Variants in TAFA1 observed in about 807,000 individuals in gnomAD.
TAFA1 encodes the protein chemokine-like protein TAFA-1.
Under a neutral mutation model 18.5 loss-of-function variants are expected in TAFA1, and 4 were observed. The observed-to-expected ratio is 0.22, with a 90% CI of 0.11 to 0.49. TAFA1 has a LOEUF of 0.49. TAFA1 is among the 20% of genes least tolerant of loss of function. TAFA1 has a pLI of 0.98. For synonymous variants in TAFA1, 56 were observed against 55.2 expected (o/e 1.01, Z -0.06); for missense variants, 147 against 169.0 (o/e 0.87, Z 0.72).
chr3:68,438,457 C>T (rs1193610802), intron 3 of TAFA1, among the ~76,000 whole-genome samples: 1 of 152,146 alleles, frequency 6.6e-6, no homozygotes, highest in Non-Finnish European at 1.5e-5. Context: ...TTGGGCAGTC[C>T]AACCCCTGTG....
intron 2 of TAFA1, among the ~76,000 whole-genome samples, chr3:68,369,764 A>G (rs1469819601): frequency 6.6e-6 from 1 of 152,162 alleles, no homozygotes; most frequent in African/African-American, 2.4e-5. Context: ...CTTCTTGTTA[A>G]ACAAGATCTC....
intron 2 of TAFA1, among the ~76,000 whole-genome samples, chr3:68,061,214 A>T (rs544197405): frequency 6.6e-6 from 1 of 152,358 alleles, no homozygotes; most frequent in East Asian, 1.9e-4. Context: ...GGTATATATC[A>T]GCTAGAAGAC....
intron 2 of TAFA1, among the ~76,000 whole-genome samples, chr3:68,303,907 C>A (rs2068358489): frequency 6.6e-6 from 1 of 152,114 alleles, no homozygotes; most frequent in African/African-American, 2.4e-5. Flanking sequence ...TTTTTATTTA[C>A]TTGTGTTACA....
chr3:68,200,587 C>T (rs1053029896), intron 2 of TAFA1, among the ~76,000 whole-genome samples: 7 of 151,410 alleles, frequency 4.6e-5, no homozygotes, highest in Non-Finnish European at 7.4e-5. Flanking sequence ...AGAATTGGTC[C>T]GTTTCATCTG....
At chr3:68,037,565 G>A (rs927532530) in intron 2 of TAFA1, among the ~76,000 whole-genome samples, 3 of 152,094 alleles carry the variant, frequency 2.0e-5, no homozygotes, top group Non-Finnish European at 4.4e-5. Context: ...ACTCAATAAA[G>A]TAGGCAATCC....
At chr3:68,534,146 A>G (rs1207145471) in intron 3 of TAFA1, among the ~76,000 whole-genome samples, 3 of 152,200 alleles carry the variant, frequency 2.0e-5, no homozygotes, top group Non-Finnish European at 2.9e-5. Context: ...AGTGAACTAA[A>G]GAACAGATGC....
At chr3:68,255,237 C>A (rs921055593) in intron 2 of TAFA1, among the ~76,000 whole-genome samples, 2 of 152,062 alleles carry the variant, frequency 1.3e-5, no homozygotes, top group Non-Finnish European at 2.9e-5. Flanking sequence ...TTCTTTAGTT[C>A]TCAAATAACT....
chr3:68,371,377 T>G (rs1011319057), intron 2 of TAFA1, among the ~76,000 whole-genome samples: 1 of 152,120 alleles, frequency 6.6e-6, no homozygotes, highest in African/African-American at 2.4e-5. Flanking sequence ...TCTCTCCCCT[T>G]GCCCCCAACC....
At chr3:68,127,591 C>CTGGTGATGAT (rs2065479419) in intron 2 of TAFA1, among the ~76,000 whole-genome samples, 1 of 370 alleles carries the variant, frequency 2.7e-3, no homozygotes, top group African/African-American at 8.2e-3. Context: ...GTGATGGTAG[C>CTGGTGATGAT]AGTGGATGAT....
chr3:68,529,273 A>G (rs1442186830), intron 3 of TAFA1, among the ~76,000 whole-genome samples: 1 of 151,870 alleles, frequency 6.6e-6, no homozygotes, highest in Non-Finnish European at 1.5e-5. Context: ...TAGTGCAAGC[A>G]TGTAAAATCA....
chr3:68,452,194 G>A (rs950583138), intron 3 of TAFA1, among the ~76,000 whole-genome samples: 4 of 152,160 alleles, frequency 2.6e-5, no homozygotes, highest in Admixed American at 1.3e-4. Flanking sequence ...TTAGTTTTAA[G>A]GAGCCACATT....
intron 3 of TAFA1, among the ~76,000 whole-genome samples, chr3:68,419,306 A>AC (rs2070911590): frequency 6.6e-6 from 1 of 152,166 alleles, no homozygotes; most frequent in Non-Finnish European, 1.5e-5. Flanking sequence ...GAAGCTGGTT[A>AC]CCATAAGGAG....
intron 2 of TAFA1, among the ~76,000 whole-genome samples, chr3:68,308,863 G>A (rs1464958588): frequency 6.6e-6 from 1 of 152,046 alleles, no homozygotes; most frequent in Non-Finnish European, 1.5e-5. Flanking sequence ...TGGTTTCACT[G>A]GAATAGTATC....
At chr3:68,202,347 T>C (rs1230152228) in intron 2 of TAFA1, among the ~76,000 whole-genome samples, 1 of 151,778 alleles carries the variant, frequency 6.6e-6, no homozygotes, top group African/African-American at 2.4e-5. Flanking sequence ...TAGACCATTG[T>C]TGCTCAAAGT....
intron 2 of TAFA1, among the ~76,000 whole-genome samples, chr3:68,180,914 A>G (rs1288140471): frequency 4.6e-5 from 7 of 152,176 alleles, no homozygotes; most frequent in Non-Finnish European, 8.8e-5. Context: ...GTGCCTTCTG[A>G]GATTGGGTTA....
chr3:68,080,800 G>T (rs929953668), intron 2 of TAFA1, among the ~76,000 whole-genome samples: 1 of 152,008 alleles, frequency 6.6e-6, no homozygotes, highest in African/African-American at 2.4e-5. Flanking sequence ...CTTGGAGTTG[G>T]TCTTCTCGAG....
At position 68,158,052 on chromosome 3, in the gene TAFA1, G is replaced by C. The variant is rs920942400; in HGVS notation, c.118+151308G>C. The stretch of plus-strand genomic sequence containing the variant: ...AGCGGAAATTAAAATCTGTGATGAG[G>C]CTTCACCCAACCCCCTTACAAAATC... On this transcript the variant is annotated intron_variant, in intron 2 of 4. Transcript: ENST00000478136. Among the ~76,000 whole-genome samples, 14 of 152,022 alleles carry C rather than the reference G, an allele frequency of 9.2e-5. No homozygotes were observed. In the South Asian group the frequency reaches 1.2e-3, roughly 14 times the overall value.
At chr3:68,312,786 A>T (rs1210745641) in intron 2 of TAFA1, among the ~76,000 whole-genome samples, 1 of 152,208 alleles carries the variant, frequency 6.6e-6, no homozygotes, top group Non-Finnish European at 1.5e-5. Flanking sequence ...ATTTTCAGGT[A>T]TCTTTTCATC....
chr3:68,393,916 GGGC>G (rs200922175), intron 2 of TAFA1, among the ~76,000 whole-genome samples: 1,992 of 152,210 alleles, frequency 0.013, 46 homozygotes, highest in African/African-American at 0.046. Flanking sequence ...CATACAGAAA[GGGC>G]AAAAGCTGGA....
Sources: allele counts gnomAD v4.1 joint callset (sites outside exome capture counted in the v4.1 genomes callset), GRCh38; gene constraint gnomAD v4.1.1; transcripts MANE v1.5; gene names NCBI Gene and HGNC (gene_info 2026-07-23, HGNC 2026-07-21).